KIF13A: variants seen among roughly 807,000 people sequenced by gnomAD.
KIF13A encodes kinesin-like protein KIF13A.
Under a neutral mutation model 212.2 loss-of-function variants are expected in KIF13A, and 79 were observed. The observed-to-expected ratio is 0.37, with a 90% CI of 0.31 to 0.45. The LOEUF is 0.45. Ranked by LOEUF, KIF13A falls within the 20% of genes least tolerant of loss-of-function variation. The pLI, the probability that KIF13A is intolerant of heterozygous loss-of-function variation, is 1.00. For missense variants in KIF13A, 1,901 were observed against 2,209.0 expected (o/e 0.86, Z 2.79); for synonymous variants, 789 against 808.6 (o/e 0.98, Z 0.41).
intron 2 of KIF13A, chr6:17,950,459 G>T (rs1251960446): frequency 4.1e-6 from 4 of 982,858 alleles, no homozygotes; most frequent in Non-Finnish European, 4.8e-6. Flanking sequence ...CTGTAATTAT[G>T]AATTTCACTG....
At position 17,919,013 on chromosome 6, in the gene KIF13A, A is replaced by C. The variant is rs1232993423; in HGVS notation, c.147-20833T>G. Among the ~76,000 whole-genome samples, 2 of 152,210 alleles carry C rather than the reference A, an allele frequency of 1.3e-5. No individual in the cohort carries two copies. Among genetic ancestry groups the C allele is most frequent in the Non-Finnish European group, 2.9e-5 (2 of 68,032 alleles). On this transcript the variant is annotated intron_variant, in intron 2 of 38. Coordinates refer to ENST00000259711, the MANE Select transcript of KIF13A (RefSeq NM_022113.6). The surrounding 1 kb of genome is among the most constrained non-coding windows in gnomAD (Gnocchi z 4.1). The stretch of plus-strand genomic sequence containing the variant: ...TGCCTACAGGGTTGTCAGGCACGAA[A>C]TAGTCACTCAGTAAGTATCTCTTAA...
intron 28 of KIF13A, among the ~76,000 whole-genome samples, chr6:17,784,122 T>C (rs1044324699): frequency 3.3e-5 from 5 of 152,122 alleles, no homozygotes; most frequent in Non-Finnish European, 5.9e-5. Context: ...CAGTGTTTTA[T>C]CAAAAACTGG....
intron 16 of KIF13A, chr6:17,821,642 A>T (rs1764461726): frequency 2.5e-6 from 2 of 814,640 alleles, no homozygotes; most frequent in Non-Finnish European, 3.7e-6. Context: ...AAGAATACAG[A>T]ACACCTTCAT....
At chr6:17,804,640 A>G in intron 19 of KIF13A, 130 bp from the exon 20 acceptor site, 1 of 959,328 alleles carries the variant, frequency 1.0e-6, no homozygotes, top group Non-Finnish European at 1.5e-6. Flanking sequence ...GTAAAATTAT[A>G]ATGTCACATA....
At chr6:17,874,384 T>G (rs1337069439) in intron 3 of KIF13A, among the ~76,000 whole-genome samples, 3 of 151,978 alleles carry the variant, frequency 2.0e-5, no homozygotes, top group African/African-American at 7.2e-5. Context: ...CAATTTTACA[T>G]GTTTAGTATT....
chr6:17,976,478 C>T (rs1367164984), intron 2 of KIF13A, among the ~76,000 whole-genome samples: 12 of 152,220 alleles, frequency 7.9e-5, no homozygotes, highest in Non-Finnish European at 1.8e-4. Flanking sequence ...CTGGCTGCTC[C>T]GAATGCGGGG....
intron 9 of KIF13A, among the ~76,000 whole-genome samples, chr6:17,842,296 C>G (rs1161603980): frequency 6.6e-6 from 1 of 151,980 alleles, no homozygotes; most frequent in Non-Finnish European, 1.5e-5. Context: ...AGTGATCCTC[C>G]CACCTCAGCC....
chr6:17,766,067 C>T (rs1008797740), intron 38 of KIF13A, among the ~76,000 whole-genome samples: 8 of 152,154 alleles, frequency 5.3e-5, no homozygotes, highest in Non-Finnish European at 8.8e-5. Context: ...TAAACTTAGA[C>T]ACCTCAAAAA....
In KIF13A at chr6:17,897,203, C is replaced by G. The variant is rs1377829500; in HGVS notation, c.159+965G>C. On this transcript the variant is annotated intron_variant, in intron 3 of 38. Transcript: ENST00000259711. This position sits in a 1 kb window ranked among gnomAD's most constrained non-coding sequence, Gnocchi z 4.8. The stretch of plus-strand genomic sequence containing the variant: ...TTAATGGGTTTCCATAATCCAAGAG[C>G]TAAGATGGATTGTTCTTCATAACCC... 6.6e-6 allele frequency among the ~76,000 whole-genome samples: 1 copy of G among 152,136 alleles called. No individual in the cohort carries two copies. Among genetic ancestry groups the G allele is most frequent in the African/African-American group, 2.4e-5 (1 of 41,420 alleles).
rs560485755 is a variant in KIF13A at position 17,947,466 on chromosome 6, C to T, written c.146+39588G>A. Among the ~76,000 whole-genome samples the T allele has an allele frequency of 3.0e-3, 458 of 152,252 alleles. 1 individual carries two copies. In the Middle Eastern group the frequency reaches 0.034, roughly 11 times the overall value. On this transcript the variant is annotated intron_variant, in intron 2 of 38. Coordinates refer to ENST00000259711, the MANE Select transcript of KIF13A (RefSeq NM_022113.6). This position sits in a 1 kb window ranked among gnomAD's most constrained non-coding sequence, Gnocchi z 4.6. ...GGCTAGCTACTTTTCCTTTCAGCTT[C>T]CTTCTTAACTTCAAAAGTTCAAAAC...
At chr6:17,923,433 C>T (rs972667724) in intron 2 of KIF13A, among the ~76,000 whole-genome samples, 2 of 151,880 alleles carry the variant, frequency 1.3e-5, no homozygotes, top group Non-Finnish European at 2.9e-5. Flanking sequence ...GTCAAGAATG[C>T]CCCCGGAATT....
rs559641012 is a variant in KIF13A at position 17,967,128 on chromosome 6, TTAAAGA to T, written c.146+19920_146+19925del. Among the ~76,000 whole-genome samples the T allele has an allele frequency of 2.6e-5, 4 of 152,334 alleles. No homozygotes were observed. The East Asian group carries it at 5.8e-4, about 22-fold the overall frequency. On this transcript the variant is annotated intron_variant, in intron 2 of 38. Coordinates refer to ENST00000259711, the MANE Select transcript of KIF13A (RefSeq NM_022113.6). The surrounding 1 kb of genome is among the most constrained non-coding windows in gnomAD (Gnocchi z 4.1). ...ATAAAAACTTTGGTGAAGGAAAATG[TTAAAGA>T]TAAAGCAAAACAGAAAATTTCAACA...
rs1561757115 is a variant in KIF13A, at chr6:17,915,547, C to T, written c.147-17367G>A. Among the ~76,000 whole-genome samples the T allele has an allele frequency of 6.6e-6, 1 of 152,176 alleles. No homozygotes were observed. The highest frequency in any genetic ancestry group is 1.5e-5 in the Non-Finnish European group (1 of 68,036). The stretch of plus-strand genomic sequence containing the variant: ...GCAGTTTGACAGCGTGCAGGACCTG[C>T]CACCTTGAGGACTCTGGGAGCAAGA... On this transcript the variant is annotated intron_variant, in intron 2 of 38. Coordinates refer to ENST00000259711, the MANE Select transcript of KIF13A (RefSeq NM_022113.6). The surrounding 1 kb of genome is among the most constrained non-coding windows in gnomAD (Gnocchi z 4.4).
chr6:17,781,541 TC>T, intron 29 of KIF13A, among the ~76,000 whole-genome samples: 1 of 151,952 alleles, frequency 6.6e-6, no homozygotes, highest in East Asian at 1.9e-4. Context: ...TCCAGTCTGG[TC>T]TTGAACTCCT....
intron 3 of KIF13A, chr6:17,881,474 C>T (rs1771055186): frequency 2.3e-6 from 1 of 429,030 alleles, no homozygotes; most frequent in South Asian, 1.7e-5. Flanking sequence ...GGCACAGTGG[C>T]TTATGAGGTC....
intron 2 of KIF13A, among the ~76,000 whole-genome samples, chr6:17,966,134 C>T (rs1343614318): frequency 6.6e-6 from 1 of 152,162 alleles, no homozygotes; most frequent in East Asian, 1.9e-4. Context: ...GCAAAGGTTG[C>T]AGTGAGCGAA....
Position 17,861,338 on chromosome 6 carries a change from T to C in KIF13A, c.221-5216A>G, listed in dbSNP as rs536508504. Among the ~76,000 whole-genome samples the C allele has an allele frequency of 2.6e-5, 4 of 152,312 alleles. No homozygotes were observed. In the South Asian group the frequency reaches 8.3e-4, roughly 32 times the overall value. ...TTTTAAGACAAGAAATAATGAACAT[T>C]TTCCCATCTCTACAAATATACATCA... On this transcript the variant is annotated intron_variant, in intron 4 of 38. Transcript: ENST00000259711.
chr6:17,950,254 T>C (rs997380751), intron 2 of KIF13A, among the ~76,000 whole-genome samples: 5 of 151,926 alleles, frequency 3.3e-5, no homozygotes, highest in African/African-American at 4.8e-5. Context: ...AAATTACAAA[T>C]CTCTGCTTCC....
intron 2 of KIF13A, among the ~76,000 whole-genome samples, chr6:17,902,846 T>C (rs1048189867): frequency 3.0e-4 from 45 of 152,212 alleles, no homozygotes; most frequent in African/African-American, 9.6e-4. Flanking sequence ...GGTCACGTGG[T>C]ATATAATCCC....
Sources: allele counts gnomAD v4.1 joint callset (sites outside exome capture counted in the v4.1 genomes callset), GRCh38; gene constraint gnomAD v4.1.1; non-coding constraint Gnocchi (gnomAD v3.1); transcripts MANE v1.5; gene names NCBI Gene and HGNC (gene_info 2026-07-23, HGNC 2026-07-21).